The following NAALADL2 variants were observed in gnomAD, a reference collection of about 807,000 sequenced individuals.
The protein encoded by NAALADL2 is inactive N-acetylated-alpha-linked acidic dipeptidase-like protein 2.
A neutral mutation model predicts 87.2 loss-of-function variants in NAALADL2; 76 were observed. The ratio of observed to expected loss-of-function variants is 0.87; its 90% CI spans 0.72 to 1.05. NAALADL2 has a LOEUF of 1.05. Among genes scored for constraint, NAALADL2 ranks in the 50% least tolerant of loss-of-function variants. NAALADL2 has a pLI of 0.00. For missense variants in NAALADL2, 1,089 were observed against 945.8 expected (o/e 1.15, Z -1.99); for synonymous variants, 354 against 331.0 (o/e 1.07, Z -0.75).
chr3:175,014,587 C>A (rs1265680051), intron 1 of NAALADL2, among the ~76,000 whole-genome samples: 1 of 151,998 alleles, frequency 6.6e-6, no homozygotes. Flanking sequence ...ATGACACATA[C>A]CATTTTAAAA....
At chr3:174,607,007 A>T (rs961877301) in intron 2 of NAALADL2, among the ~76,000 whole-genome samples, 56 of 152,360 alleles carry the variant, frequency 3.7e-4, no homozygotes, top group Non-Finnish European at 6.2e-4. Flanking sequence ...GTGGGGGCCA[A>T]TACTCAACAT....
At position 175,621,845 on chromosome 3, in the gene NAALADL2, A is replaced by G. The variant is rs576171972; in HGVS notation, c.1801-5446A>G. On this transcript the variant is annotated intron_variant, in intron 10 of 13. Coordinates refer to ENST00000454872, the MANE Select transcript of NAALADL2 (RefSeq NM_207015.3). ...TGGTGCCCACAGGAGTTCTAGAACA[A>G]ATTTCCCAAGTATATCAAAGGATAA... Among the ~76,000 whole-genome samples the G allele has an allele frequency of 2.6e-5, 4 of 152,244 alleles. No homozygotes were observed. In the East Asian group the frequency reaches 7.7e-4, roughly 29 times the overall value.
chr3:175,168,860 T>G (rs1734370402), intron 2 of NAALADL2, among the ~76,000 whole-genome samples: 1 of 151,854 alleles, frequency 6.6e-6, no homozygotes, highest in Admixed American at 6.6e-5. Context: ...CACAAAATCT[T>G]TGTTATTTTG....
Position 175,517,788 on chromosome 3 carries a change from A to G in NAALADL2, c.1653+46030A>G, listed in dbSNP as rs371671698. Among the ~76,000 whole-genome samples, 531 of 152,258 alleles carry G rather than the reference A, an allele frequency of 3.5e-3. 5 individuals carry two copies. Among genetic ancestry groups the G allele is most frequent in the Middle Eastern group, 0.014 (4 of 294 alleles). ...ACGGCTCTCTCTCTTGAGAGAGAGA[A>G]GGGCACACAAATGGGAATTCCAGCC... On this transcript the variant is annotated intron_variant, in intron 9 of 13. Coordinates refer to ENST00000454872, the MANE Select transcript of NAALADL2 (RefSeq NM_207015.3).
chr3:174,656,180 A>G (rs1169862520), intron 2 of NAALADL2, among the ~76,000 whole-genome samples: 2 of 152,228 alleles, frequency 1.3e-5, no homozygotes, highest in Admixed American at 1.3e-4. Flanking sequence ...ACTACAGCAA[A>G]CAATCAAATA....
At chr3:175,138,291 G>A (rs1729431297) in intron 2 of NAALADL2, among the ~76,000 whole-genome samples, 1 of 152,180 alleles carries the variant, frequency 6.6e-6, no homozygotes, top group South Asian at 2.1e-4. Flanking sequence ...AATCAATGCT[G>A]AGAAGAATTA....
intron 9 of NAALADL2, among the ~76,000 whole-genome samples, chr3:175,551,880 G>T (rs551925343): frequency 7.1e-6 from 1 of 140,992 alleles, no homozygotes; most frequent in Admixed American, 7.4e-5. Flanking sequence ...CCGAGATCAC[G>T]CCACTGCACT....
At chr3:175,795,554 G>T (rs909593528) in intron 13 of NAALADL2, among the ~76,000 whole-genome samples, 3 of 151,760 alleles carry the variant, frequency 2.0e-5, no homozygotes, top group African/African-American at 7.3e-5. Context: ...GTGGTGGCGG[G>T]TGCCTGTAGT....
intron 5 of NAALADL2, among the ~76,000 whole-genome samples, chr3:175,356,732 C>T (rs539463313): frequency 7.0e-4 from 106 of 151,762 alleles, no homozygotes; most frequent in African/African-American, 2.2e-3. Context: ...GAGTGCAAGA[C>T]GAAAGGAAGA....
chr3:175,223,258 T>A (rs1743662923), intron 2 of NAALADL2, among the ~76,000 whole-genome samples: 1 of 152,034 alleles, frequency 6.6e-6, no homozygotes, highest in Non-Finnish European at 1.5e-5. Flanking sequence ...TACCTTTTCA[T>A]CAATACCTCT....
intron 2 of NAALADL2, among the ~76,000 whole-genome samples, chr3:174,710,725 A>C (rs567872869): frequency 6.6e-6 from 1 of 152,184 alleles, no homozygotes; most frequent in African/African-American, 2.4e-5. Context: ...GCTGATAGCC[A>C]GCAAGGAAAT....
At chr3:175,665,024 A>G (rs1216850145) in intron 11 of NAALADL2, among the ~76,000 whole-genome samples, 1 of 152,182 alleles carries the variant, frequency 6.6e-6, no homozygotes. Flanking sequence ...ACACTGACAC[A>G]TCTCATCGAT....
chr3:175,713,053 A>G (rs1357896657), intron 11 of NAALADL2, among the ~76,000 whole-genome samples: 5 of 152,228 alleles, frequency 3.3e-5, no homozygotes, highest in East Asian at 1.9e-4. Context: ...TAGGAAAACA[A>G]TCTAGACACA....
intron 4 of NAALADL2, among the ~76,000 whole-genome samples, chr3:175,278,513 T>C (rs1468286309): frequency 6.6e-6 from 1 of 152,260 alleles, no homozygotes; most frequent in Non-Finnish European, 1.5e-5. Flanking sequence ...CATAGTGATT[T>C]TAAAATTAGA....
intron 1 of NAALADL2, among the ~76,000 whole-genome samples, chr3:175,033,323 C>G (rs1753004780): frequency 6.6e-6 from 1 of 152,178 alleles, no homozygotes; most frequent in Non-Finnish European, 1.5e-5. Flanking sequence ...TGTCCTATCT[C>G]CTGTTAATCT....
chr3:174,627,072 G>A (rs1041724754), intron 2 of NAALADL2, among the ~76,000 whole-genome samples: 2 of 152,040 alleles, frequency 1.3e-5, no homozygotes, highest in South Asian at 4.1e-4. Context: ...CATGGTCTGT[G>A]ACCTTAGGGA....
chr3:175,622,169 AC>A (rs1216037465), intron 10 of NAALADL2, among the ~76,000 whole-genome samples: 1 of 152,184 alleles, frequency 6.6e-6, no homozygotes, highest in Non-Finnish European at 1.5e-5. Context: ...TTAGAACTGC[AC>A]ATATCCTTTG....
At chr3:174,887,624 A>T (rs1160380585) in intron 1 of NAALADL2, among the ~76,000 whole-genome samples, 1 of 152,072 alleles carries the variant, frequency 6.6e-6, no homozygotes, top group Non-Finnish European at 1.5e-5. Flanking sequence ...GCAAGATCTC[A>T]TCTCTACAAA....
At chr3:175,368,117 G>C (rs12631460) in intron 5 of NAALADL2, among the ~76,000 whole-genome samples, 48,186 of 151,852 alleles carry the variant, frequency 0.32, 7,837 homozygotes, top group East Asian at 0.5. Context: ...AGATAATCAT[G>C]TGGTTTTTGT....
Sources: allele counts gnomAD v4.1 joint callset (sites outside exome capture counted in the v4.1 genomes callset), GRCh38; gene constraint gnomAD v4.1.1; transcripts MANE v1.5; gene names NCBI Gene and HGNC (gene_info 2026-07-23, HGNC 2026-07-21).